RSPO2: variants seen among roughly 807,000 people sequenced by gnomAD.
The protein encoded by RSPO2 is R-spondin 2.
Under a neutral mutation model 30.9 loss-of-function variants are expected in RSPO2, and 14 were observed. That is an observed-to-expected ratio of 0.45 (90% CI 0.30 to 0.71). The LOEUF is 0.71. RSPO2 is among the 30% of genes least tolerant of loss of function. The pLI is 0.08. For synonymous variants in RSPO2, 107 were observed against 96.4 expected (o/e 1.11, Z -0.64); for missense variants, 264 against 301.9 (o/e 0.87, Z 0.93).
rs997358313 is a variant in RSPO2, at chr8:107,899,366, T to G, written c.*1709A>C. The G allele has an allele frequency of 3.9e-5, 6 of 152,706 alleles. No homozygotes were observed. The East Asian group carries it at 1.2e-3, about 29-fold the overall frequency. 9.5% of individuals were successfully genotyped at this position (152,706 alleles called of 1,614,324 possible). On this transcript the variant is annotated 3_prime_UTR_variant, in exon 6 of 6. Coordinates refer to ENST00000276659, the MANE Select transcript of RSPO2 (RefSeq NM_178565.5). ...AAAAGAACATCCCAGGAACAACAGG[T>G]ATTGACTTATTAACGATGAAGCACT...
At position 108,013,828 on chromosome 8, in the gene RSPO2, A is replaced by C. The variant is rs1464039027; in HGVS notation, c.95-24584T>G. On this transcript the variant is annotated intron_variant, in intron 2 of 5. Coordinates refer to ENST00000276659, the MANE Select transcript of RSPO2 (RefSeq NM_178565.5). ...TAACTAAAACACCAAAAACAACGGCAACAAAAGCCAAATTGACAAATGGGA... is the reference window on the plus strand; with the variant it reads ...TAACTAAAACACCAAAAACAACGGCCACAAAAGCCAAATTGACAAATGGGA... 2.0e-5 allele frequency among the ~76,000 whole-genome samples: 3 copies of C among 152,232 alleles called. No homozygotes were observed. In the East Asian group the frequency reaches 5.8e-4, roughly 29 times the overall value.
At chr8:107,969,152 G>T (rs1247103034) in intron 3 of RSPO2, among the ~76,000 whole-genome samples, 5 of 152,064 alleles carry the variant, frequency 3.3e-5, no homozygotes. Flanking sequence ...TAAAAAGGGG[G>T]AAATACCTGA....
intron 5 of RSPO2, among the ~76,000 whole-genome samples, chr8:107,941,300 C>T (rs954261382): frequency 6.6e-6 from 1 of 152,168 alleles, no homozygotes; most frequent in South Asian, 2.1e-4. Context: ...CTATGGTGGC[C>T]TTCCTCTAAA....
chr8:108,058,411 T>C (rs946539064), intron 2 of RSPO2, among the ~76,000 whole-genome samples: 2 of 152,096 alleles, frequency 1.3e-5, no homozygotes, highest in African/African-American at 4.8e-5. Context: ...ATCATGAAAA[T>C]GGCCATACTG....
intron 2 of RSPO2, among the ~76,000 whole-genome samples, chr8:108,063,770 T>C (rs1812559384): frequency 6.6e-6 from 1 of 152,070 alleles, no homozygotes; most frequent in African/African-American, 2.4e-5. Flanking sequence ...GCTACCTGAC[T>C]TCAAACTATA....
chr8:107,968,685 C>T (rs950224670), intron 3 of RSPO2, among the ~76,000 whole-genome samples: 14 of 152,016 alleles, frequency 9.2e-5, no homozygotes, highest in African/African-American at 3.4e-4. Flanking sequence ...CAAAATATCA[C>T]ATGTACTCCT....
chr8:108,049,163 G>A (rs1243407474), intron 2 of RSPO2, among the ~76,000 whole-genome samples: 1 of 151,472 alleles, frequency 6.6e-6, no homozygotes, highest in Non-Finnish European at 1.5e-5. Context: ...TGAGTTGATG[G>A]GTGCAGCAAA....
intron 2 of RSPO2, among the ~76,000 whole-genome samples, chr8:108,018,549 T>C (rs1810965063): frequency 6.6e-6 from 1 of 152,226 alleles, no homozygotes; most frequent in South Asian, 2.1e-4. Context: ...GGCTAAAATG[T>C]ACATCTTTCC....
chr8:108,026,405 G>A (rs1175651592), intron 2 of RSPO2, among the ~76,000 whole-genome samples: 1 of 152,150 alleles, frequency 6.6e-6, no homozygotes, highest in Non-Finnish European at 1.5e-5. Flanking sequence ...CTAGATAACA[G>A]TATTATATCA....
chr8:107,923,918 C>T (rs566490634), intron 5 of RSPO2, among the ~76,000 whole-genome samples: 1 of 151,872 alleles, frequency 6.6e-6, no homozygotes, highest in Admixed American at 6.6e-5. Context: ...TAGAGGGGAA[C>T]AGCAAACTCT....
intron 2 of RSPO2, among the ~76,000 whole-genome samples, chr8:108,037,723 C>A (rs982300300): frequency 6.6e-6 from 1 of 152,188 alleles, no homozygotes; most frequent in African/African-American, 2.4e-5. Flanking sequence ...GAGGCCAATG[C>A]TCATTTACAC....
At chr8:108,033,338 T>C (rs1228988524) in intron 2 of RSPO2, among the ~76,000 whole-genome samples, 1 of 152,222 alleles carries the variant, frequency 6.6e-6, no homozygotes, top group East Asian at 1.9e-4. Flanking sequence ...CCCAATGCCA[T>C]GACCCCAGTC....
chr8:107,975,312 T>C (rs1245279484), intron 3 of RSPO2, among the ~76,000 whole-genome samples: 1 of 152,208 alleles, frequency 6.6e-6, no homozygotes, highest in Admixed American at 6.5e-5. Context: ...AAATTTATAG[T>C]GATCTGTGGA....
At chr8:108,029,794 ACAG>A (rs1336685456) in intron 2 of RSPO2, among the ~76,000 whole-genome samples, 2 of 152,212 alleles carry the variant, frequency 1.3e-5, no homozygotes, top group Admixed American at 6.5e-5. Context: ...AGGAGTTATT[ACAG>A]CTTGAAATGA....
chr8:108,011,325 A>G (rs545780083), intron 2 of RSPO2, among the ~76,000 whole-genome samples: 1 of 152,118 alleles, frequency 6.6e-6, no homozygotes, highest in South Asian at 2.1e-4. Flanking sequence ...ATACACACAA[A>G]AAATCGTAAA....
At chr8:107,933,420 G>A (rs867112604) in intron 5 of RSPO2, among the ~76,000 whole-genome samples, 2 of 152,078 alleles carry the variant, frequency 1.3e-5, no homozygotes, top group Admixed American at 6.6e-5. Flanking sequence ...TCATAAAAAT[G>A]TTGGTCTTAA....
In RSPO2 at chr8:107,948,247, T is replaced by C. The variant is rs1432905310; in HGVS notation, c.616+9833A>G. On this transcript the variant is annotated intron_variant, in intron 5 of 5. Transcript: ENST00000276659. ...CCAATCTTCCCATTTCTTTAGAACA[T>C]AGGAAGTAATGGATGCTTAATTGAT... Among the ~76,000 whole-genome samples the C allele has an allele frequency of 5.3e-5, 8 of 152,192 alleles. No individual in the cohort carries two copies. The South Asian group carries it at 1.2e-3, about 24-fold the overall frequency.
chr8:108,039,790 T>C (rs1284238776), intron 2 of RSPO2, among the ~76,000 whole-genome samples: 2 of 152,126 alleles, frequency 1.3e-5, no homozygotes, highest in Admixed American at 6.6e-5. Context: ...TAAGTTCACA[T>C]TCTTAAGACC....
At position 107,960,703 on chromosome 8, in the gene RSPO2, G is replaced by A. The variant is rs142649056; in HGVS notation, c.398C>T (p.Ala133Val). ...ACATTCCATGGTTTCTTCTAATGGT[G>A]CAAAACCATCTGGACATTCATCAAA... ...RCFDECPDGFAPLEETMECVE... is the reference protein window; with the variant it reads ...RCFDECPDGFVPLEETMECVE... The change falls in exon 4 of 6, where the codon GCA becomes GTA. Residue 133 changes from alanine to valine, a missense_variant. Coordinates refer to ENST00000276659, the MANE Select transcript of RSPO2 (RefSeq NM_178565.5). The A allele has an allele frequency of 5.3e-4, 849 of 1,613,350 alleles. 2 individuals carry two copies. The highest frequency in any genetic ancestry group is 1.4e-3 in the South Asian group (123 of 90,894).
Sources: allele counts gnomAD v4.1 joint callset (sites outside exome capture counted in the v4.1 genomes callset), GRCh38; gene constraint gnomAD v4.1.1; transcripts MANE v1.5; gene names NCBI Gene and HGNC (gene_info 2026-07-23, HGNC 2026-07-21).